Variants in TBC1D32 observed in about 807,000 individuals in gnomAD.
The protein encoded by TBC1D32 is protein broad-minded.
In TBC1D32, 151 loss-of-function variants were observed where a neutral mutation model predicts 170.3. The ratio of observed to expected loss-of-function variants is 0.89; its 90% CI spans 0.78 to 1.01. The LOEUF (loss-of-function observed/expected upper bound fraction) is 1.01. TBC1D32 is among the 50% of genes least tolerant of loss of function. The pLI is 0.00. For synonymous variants in TBC1D32, 498 were observed against 488.0 expected, an observed-to-expected ratio of 1.02 and a Z score of -0.27; for missense variants, 1,464 against 1,457.1, an observed-to-expected ratio of 1.00 and a Z score of -0.08.
intron 15 of TBC1D32, among the ~76,000 whole-genome samples, chr6:121,276,480 C>T (rs921347082): frequency 5.9e-5 from 9 of 151,840 alleles, no homozygotes; most frequent in African/African-American, 1.9e-4. Flanking sequence ...ACATAGAACG[C>T]TCAATCAAAG....
rs372150822 is a variant in TBC1D32, at chr6:121,097,097, G to T, written c.3466-6056C>A. ...AAGACCTCAAATTATAAAAACCCTA[G>T]AAGAAAACCTAGGCAATACCATTCA... On this transcript the variant is annotated intron_variant, in intron 30 of 31. Coordinates refer to ENST00000398212, the MANE Select transcript of TBC1D32 (RefSeq NM_152730.6). 1.4e-4 allele frequency among the ~76,000 whole-genome samples: 21 copies of T among 152,148 alleles called. No homozygotes were observed. In the East Asian group the frequency reaches 3.9e-3, roughly 28 times the overall value.
intron 31 of TBC1D32, among the ~76,000 whole-genome samples, chr6:121,090,436 C>T (rs1776688040): frequency 6.6e-6 from 1 of 151,794 alleles, no homozygotes; most frequent in African/African-American, 2.4e-5. Context: ...ATAAAATAAT[C>T]TTTCATGAAA....
At chr6:121,160,176 T>G (rs1435583616) in intron 23 of TBC1D32, 73 bp from the exon 24 acceptor site, 2 of 1,011,128 alleles carry the variant, frequency 2.0e-6, no homozygotes, top group Admixed American at 2.1e-5. Flanking sequence ...CTATCTGAAA[T>G]ATTGTTAACT....
chr6:121,252,680 T>C (rs1583408289), intron 17 of TBC1D32, among the ~76,000 whole-genome samples: 1 of 152,240 alleles, frequency 6.6e-6, no homozygotes, highest in Admixed American at 6.5e-5. Context: ...GGCACATGTA[T>C]ACCTATGTAA....
intron 22 of TBC1D32, among the ~76,000 whole-genome samples, chr6:121,193,002 T>C (rs1790270045): frequency 1.3e-5 from 2 of 152,020 alleles, no homozygotes; most frequent in Admixed American, 1.3e-4. Flanking sequence ...CCTCTAGAGG[T>C]GAGATTGAGA....
At chr6:121,322,541 C>T (rs939609888) in intron 1 of TBC1D32, among the ~76,000 whole-genome samples, 1 of 152,198 alleles carries the variant, frequency 6.6e-6, no homozygotes, top group East Asian at 1.9e-4. Context: ...TGTTTCTCAA[C>T]GACTGATATC....
At chr6:121,313,890 G>A (rs2128492026) in intron 3 of TBC1D32, among the ~76,000 whole-genome samples, 1 of 152,210 alleles carries the variant, frequency 6.6e-6, no homozygotes, top group Admixed American at 6.5e-5. Flanking sequence ...GAGCTTTGAA[G>A]ATTTTAGTAG....
At chr6:121,233,546 T>C (rs907502911) in intron 20 of TBC1D32, among the ~76,000 whole-genome samples, 3 of 152,170 alleles carry the variant, frequency 2.0e-5, no homozygotes, top group Non-Finnish European at 4.4e-5. Context: ...ACTTTTAGTG[T>C]CCACTGCACG....
At chr6:121,223,132 T>C (rs1324948176) in intron 21 of TBC1D32, 104 bp downstream of exon 21, 2 of 708,562 alleles carry the variant, frequency 2.8e-6, no homozygotes, top group African/African-American at 1.9e-5. Flanking sequence ...TTAAATGCCA[T>C]TACATAATGT....
intron 26 of TBC1D32, among the ~76,000 whole-genome samples, chr6:121,117,453 G>A (rs1165048765): frequency 6.6e-6 from 1 of 152,172 alleles, no homozygotes; most frequent in African/African-American, 2.4e-5. Context: ...TGTAATCCCA[G>A]CACTTTGGGA....
intron 2 of TBC1D32, among the ~76,000 whole-genome samples, chr6:121,319,712 C>T (rs1460888003): frequency 6.6e-6 from 1 of 152,060 alleles, no homozygotes; most frequent in African/African-American, 2.4e-5. Context: ...TTAGAAAAGA[C>T]CAGCATAAAT....
At chr6:121,230,599 C>A (rs1405280515) in intron 20 of TBC1D32, among the ~76,000 whole-genome samples, 1 of 151,126 alleles carries the variant, frequency 6.6e-6, no homozygotes, top group East Asian at 2.0e-4. Context: ...AAGTTAATTT[C>A]TTTTTTACTG....
chr6:121,160,068 T>C lies in TBC1D32; in HGVS notation c.2715A>G (p.Ser905=), dbSNP rs570327794. The C allele has an allele frequency of 3.7e-6, 6 of 1,608,314 alleles. No individual in the cohort carries two copies. Among genetic ancestry groups the C allele is most frequent in the South Asian group, 2.2e-5 (2 of 90,430 alleles). The change falls in exon 24 of 32, where the codon TCA becomes TCG. Residue 905 remains serine, a synonymous_variant. Transcript: ENST00000398212. The part of the protein sequence containing the change: ...DNPYPWPMFS[S]YPLPNCYLSD... Reference sequence around the variant, plus strand: ...ACAGATAGCAGTTTGGCAATGGATATGATGAAAACATTGGCCAAGGATATG... The same window carrying C: ...ACAGATAGCAGTTTGGCAATGGATACGATGAAAACATTGGCCAAGGATATG...
At chr6:121,238,900 T>C (rs1357360136) in intron 20 of TBC1D32, among the ~76,000 whole-genome samples, 170 bp downstream of exon 20, 1 of 152,126 alleles carries the variant, frequency 6.6e-6, no homozygotes, top group African/African-American at 2.4e-5. Context: ...TTTCTATCAT[T>C]TGCTAAACTT....
chr6:121,130,891 C>T (rs1418716071), intron 25 of TBC1D32, among the ~76,000 whole-genome samples: 1 of 151,994 alleles, frequency 6.6e-6, no homozygotes, highest in Non-Finnish European at 1.5e-5. Context: ...TCACTTTATA[C>T]TCAAACTTTG....
At chr6:121,154,876 C>A (rs2128238375) in intron 24 of TBC1D32, among the ~76,000 whole-genome samples, 1 of 152,244 alleles carries the variant, frequency 6.6e-6, no homozygotes, top group African/African-American at 2.4e-5. Flanking sequence ...TGTTTCTGCA[C>A]CAGTACCATG....
chr6:121,170,231 T>C (rs1786772605), intron 22 of TBC1D32, among the ~76,000 whole-genome samples: 1 of 151,882 alleles, frequency 6.6e-6, no homozygotes, highest in Non-Finnish European at 1.5e-5. Context: ...TCCAAACACT[T>C]CTATCATAAT....
chr6:121,194,410 T>C (rs183871464), intron 22 of TBC1D32, among the ~76,000 whole-genome samples: 1 of 152,306 alleles, frequency 6.6e-6, no homozygotes, highest in African/African-American at 2.4e-5. Context: ...TTGCGGAGAT[T>C]AGTGCCACCA....
At chr6:121,242,134 AT>A (rs1200827127) in intron 18 of TBC1D32, 66 bp downstream of exon 18, 2 of 1,498,434 alleles carry the variant, frequency 1.3e-6, no homozygotes, top group Non-Finnish European at 1.8e-6. Context: ...AGAAAACAGA[AT>A]GATGTTCTTA....
Sources: allele counts gnomAD v4.1 joint callset (sites outside exome capture counted in the v4.1 genomes callset), GRCh38; gene constraint gnomAD v4.1.1; transcripts MANE v1.5; gene names NCBI Gene and HGNC (gene_info 2026-07-23, HGNC 2026-07-21).